The following TMEM272 variants were observed in gnomAD, a reference collection of about 807,000 sequenced individuals.
TMEM272 encodes the protein transmembrane protein 272.
Under a neutral mutation model 3.7 loss-of-function variants are expected in TMEM272, and 8 were observed. The observed-to-expected ratio is 2.17, with a 90% CI of 1.27 to 3.91. The LOEUF (loss-of-function observed/expected upper bound fraction) is 3.91. Ranked by LOEUF, TMEM272 falls within the 30% of genes most tolerant of loss-of-function variation. TMEM272 has a pLI of 0.00. For synonymous variants in TMEM272, 63 were observed against 39.8 expected (o/e 1.58, Z -2.20); for missense variants, 166 against 91.5 (o/e 1.81, Z -3.32).
At chr13:51,865,696 C>A in the TMEM272 span, 2 of 1,614,138 alleles carry the variant, frequency 1.2e-6, no homozygotes, top group Non-Finnish European at 1.7e-6. Flanking sequence ...AGGAAAAATC[C>A]TTCTGGGAAA....
At chr13:51,884,317 G>T in the TMEM272 span, among the ~76,000 whole-genome samples, 2 of 152,206 alleles carry the variant, frequency 1.3e-5, no homozygotes, top group Non-Finnish European at 2.9e-5. Flanking sequence ...AGTGAAAATT[G>T]GTTGTGGCAA....
At chr13:51,878,124 G>A in the TMEM272 span, among the ~76,000 whole-genome samples, 1,017 of 152,202 alleles carry the variant, frequency 6.7e-3, 12 homozygotes, top group African/African-American at 0.024. Flanking sequence ...TGGGGGAAAC[G>A]CCCCTTATAA....
chr13:51,882,810 G>GT, the TMEM272 span, among the ~76,000 whole-genome samples: 1 of 152,044 alleles, frequency 6.6e-6, no homozygotes, highest in Non-Finnish European at 1.5e-5. Flanking sequence ...AATAAACACA[G>GT]TTGTGTTACA....
At chr13:51,896,298 G>A in the TMEM272 span, among the ~76,000 whole-genome samples, 1 of 152,122 alleles carries the variant, frequency 6.6e-6, no homozygotes, top group Non-Finnish European at 1.5e-5. Flanking sequence ...CCTATAACAA[G>A]CCATATAGCT....
At chr13:51,830,957 G>GAATGAGGCTCACTCTTGCTTAAAGTCT (rs1956168516) in intron 2 of TMEM272, among the ~76,000 whole-genome samples, 1 of 150,294 alleles carries the variant, frequency 6.7e-6, no homozygotes. Context: ...GCTCGAGGTC[G>GAATGAGGCTCACTCTTGCTTAAAGTCT]AATGAGGCTC....
chr13:51,866,100 C>T, the TMEM272 span: 1 of 1,537,322 alleles, frequency 6.5e-7, no homozygotes. Context: ...AGGTGCAGGG[C>T]CCTGTGGTCC....
At chr13:51,851,124 T>C in the TMEM272 span, among the ~76,000 whole-genome samples, 15 of 152,114 alleles carry the variant, frequency 9.9e-5, no homozygotes, top group African/African-American at 3.6e-4. Context: ...CCCTTGGGCC[T>C]AGGAGTTTGA....
At chr13:51,869,191 T>G in the TMEM272 span, among the ~76,000 whole-genome samples, 1 of 152,272 alleles carries the variant, frequency 6.6e-6, no homozygotes, top group East Asian at 1.9e-4. Context: ...TGAAGAGACT[T>G]TGGCTGTGGT....
chr13:51,835,225 TTTC>T (rs201109383), intron 2 of TMEM272, among the ~76,000 whole-genome samples: 5,645 of 33,412 alleles, frequency 0.17, 233 homozygotes, highest in African/African-American at 0.26. Context: ...TTTTATTTTC[TTTC>T]TTTTTTTTTT....
At chr13:51,874,623 G>C in the TMEM272 span, among the ~76,000 whole-genome samples, 1 of 152,140 alleles carries the variant, frequency 6.6e-6, no homozygotes, top group Admixed American at 6.5e-5. Context: ...TGCAGGCAAA[G>C]GAAAGATGCC....
Sources: allele counts gnomAD v4.1 joint callset (sites outside exome capture counted in the v4.1 genomes callset), GRCh38; gene constraint gnomAD v4.1.1; transcripts MANE v1.5; gene names NCBI Gene and HGNC (gene_info 2026-07-23, HGNC 2026-07-21).